The following SCHIP1 variants were observed in gnomAD, a reference collection of about 807,000 sequenced individuals.
SCHIP1 encodes the protein schwannomin-interacting protein 1.
In SCHIP1, 8 loss-of-function variants were observed where a neutral mutation model predicts 29.7. The ratio of observed to expected loss-of-function variants is 0.27; its 90% CI spans 0.16 to 0.49. The LOEUF (loss-of-function observed/expected upper bound fraction) is 0.49. Ranked by LOEUF, SCHIP1 falls within the 20% of genes least tolerant of loss-of-function variation. The pLI is 0.99. For synonymous variants in SCHIP1, 76 were observed against 94.9 expected (o/e 0.80, Z 1.16); for missense variants, 193 against 294.6 (o/e 0.66, Z 2.52).
the SCHIP1 span, chr3:159,387,164 A>T: frequency 1.1e-5 from 2 of 186,910 alleles, no homozygotes; most frequent in Non-Finnish European, 2.2e-5. Context: ...GGCCAGGGTG[A>T]TGGACCCTCA....
At chr3:159,826,993 G>A in the SCHIP1 span, among the ~76,000 whole-genome samples, 1 of 152,126 alleles carries the variant, frequency 6.6e-6, no homozygotes, top group African/African-American at 2.4e-5. Flanking sequence ...ATAATTTCCT[G>A]ATCAGTACCT....
the SCHIP1 span, among the ~76,000 whole-genome samples, chr3:159,576,961 C>G: frequency 3.0e-3 from 463 of 152,268 alleles, 1 homozygote; most frequent in African/African-American, 9.3e-3. Context: ...ATCAACTTAT[C>G]TAAGTGCTTT....
the SCHIP1 span, among the ~76,000 whole-genome samples, chr3:159,767,555 G>T: frequency 6.6e-6 from 1 of 152,204 alleles, no homozygotes; most frequent in African/African-American, 2.4e-5. Flanking sequence ...AAAATGTCTT[G>T]TATGAATATA....
the SCHIP1 span, among the ~76,000 whole-genome samples, chr3:159,337,233 C>A: frequency 6.6e-6 from 1 of 152,004 alleles, no homozygotes; most frequent in African/African-American, 2.4e-5. Flanking sequence ...AACCCACAGC[C>A]AATATCATAC....
the SCHIP1 span, among the ~76,000 whole-genome samples, chr3:159,643,350 G>A: frequency 6.6e-6 from 1 of 152,062 alleles, no homozygotes; most frequent in Non-Finnish European, 1.5e-5. Context: ...ACTGGATTCT[G>A]TAAGCACATC....
the SCHIP1 span, among the ~76,000 whole-genome samples, chr3:159,524,619 C>T: frequency 6.6e-6 from 1 of 152,174 alleles, no homozygotes; most frequent in African/African-American, 2.4e-5. Flanking sequence ...ACATATAAGC[C>T]AGGCTTCTGT....
the SCHIP1 span, among the ~76,000 whole-genome samples, chr3:159,468,310 G>A: frequency 8.5e-5 from 13 of 152,066 alleles, no homozygotes; most frequent in East Asian, 3.9e-4. Context: ...TAATAATGTC[G>A]TATGTGTTAT....
chr3:159,874,496 C>T (rs1715579845), intron 2 of SCHIP1, among the ~76,000 whole-genome samples: 1 of 152,108 alleles, frequency 6.6e-6, no homozygotes, highest in Admixed American at 6.5e-5. Flanking sequence ...GGCTGGAGGG[C>T]AAGGAGTGGG....
At chr3:159,503,268 C>G in the SCHIP1 span, among the ~76,000 whole-genome samples, 1 of 152,092 alleles carries the variant, frequency 6.6e-6, no homozygotes, top group South Asian at 2.1e-4. Flanking sequence ...ACTATTTGTT[C>G]TTTTCCTTTT....
chr3:159,338,764 A>G, the SCHIP1 span, among the ~76,000 whole-genome samples: 56 of 152,260 alleles, frequency 3.7e-4, no homozygotes, highest in South Asian at 1.9e-3. Context: ...TTCTGATAAT[A>G]TATTGGATGC....
At chr3:159,465,102 G>T in the SCHIP1 span, among the ~76,000 whole-genome samples, 3,844 of 152,152 alleles carry the variant, frequency 0.025, 171 homozygotes, top group African/African-American at 0.088. Flanking sequence ...AAGGAGTGTT[G>T]CCTATACAGT....
the SCHIP1 span, among the ~76,000 whole-genome samples, chr3:159,690,435 G>A: frequency 6.6e-6 from 1 of 152,076 alleles, no homozygotes; most frequent in African/African-American, 2.4e-5. Context: ...TGGGATCAGT[G>A]GTGATCTCCC....
At chr3:159,477,792 T>G in the SCHIP1 span, among the ~76,000 whole-genome samples, 27 of 152,284 alleles carry the variant, frequency 1.8e-4, no homozygotes, top group African/African-American at 5.5e-4. Context: ...ATAATCCCAT[T>G]TGTCTATTTT....
the SCHIP1 span, chr3:159,274,297 A>G: frequency 1.0e-6 from 1 of 984,794 alleles, no homozygotes; most frequent in Non-Finnish European, 1.2e-6. Flanking sequence ...ATCAGTGTTA[A>G]ACTTTTTCAA....
At chr3:159,535,716 C>T in the SCHIP1 span, among the ~76,000 whole-genome samples, 5 of 152,162 alleles carry the variant, frequency 3.3e-5, no homozygotes, top group African/African-American at 1.2e-4. Context: ...TAGTTAATTA[C>T]AATGTTTAGA....
At chr3:159,785,610 G>A in the SCHIP1 span, among the ~76,000 whole-genome samples, 115 of 151,528 alleles carry the variant, frequency 7.6e-4, no homozygotes, top group African/African-American at 2.7e-3. Flanking sequence ...TGGGAGATGG[G>A]GAGCCAGCAA....
At chr3:159,739,656 T>C in the SCHIP1 span, among the ~76,000 whole-genome samples, 67,585 of 152,092 alleles carry the variant, frequency 0.44, 15,648 homozygotes, top group Middle Eastern at 0.53. Context: ...CAAGTCCTTA[T>C]CTTCTTGCTC....
At chr3:159,729,741 G>T in the SCHIP1 span, among the ~76,000 whole-genome samples, 149 of 152,238 alleles carry the variant, frequency 9.8e-4, 4 homozygotes, top group South Asian at 9.8e-3. Flanking sequence ...TAAATCAAAT[G>T]ATTAATTGAA....
the SCHIP1 span, among the ~76,000 whole-genome samples, chr3:159,503,197 T>C: frequency 1.3e-5 from 2 of 152,294 alleles, no homozygotes; most frequent in East Asian, 3.9e-4. Context: ...CTTAGTACTA[T>C]TTGAAGGTGC....
Sources: allele counts gnomAD v4.1 joint callset (sites outside exome capture counted in the v4.1 genomes callset), GRCh38; gene constraint gnomAD v4.1.1; transcripts MANE v1.5; gene names NCBI Gene and HGNC (gene_info 2026-07-23, HGNC 2026-07-21).